The following CTNNA1 variants were observed in gnomAD, a reference collection of about 807,000 sequenced individuals.
CTNNA1 encodes catenin alpha-1.
A neutral mutation model predicts 98.4 loss-of-function variants in CTNNA1; 37 were observed. That is an observed-to-expected ratio of 0.38 (90% CI 0.29 to 0.49). CTNNA1 has a LOEUF of 0.49. CTNNA1 is among the 20% of genes least tolerant of loss of function. The pLI is 0.95. For synonymous variants in CTNNA1, 404 were observed against 413.2 expected (o/e 0.98, Z 0.27); for missense variants, 761 against 1,147.2 (o/e 0.66, Z 4.86).
At chr5:138,866,972 TA>T (rs1245781208) in intron 7 of CTNNA1, among the ~76,000 whole-genome samples, 27 of 152,340 alleles carry the variant, frequency 1.8e-4, no homozygotes, top group African/African-American at 5.8e-4. Flanking sequence ...ATCTATTGTA[TA>T]TTTGAGTGGG....
chr5:138,833,472 A>C (rs1183973890), intron 7 of CTNNA1, among the ~76,000 whole-genome samples: 1 of 152,228 alleles, frequency 6.6e-6, no homozygotes, highest in Non-Finnish European at 1.5e-5. Context: ...TATTTTAGAT[A>C]TATTGGGTTA....
chr5:138,806,921 T>C (rs1315306357), intron 3 of CTNNA1, among the ~76,000 whole-genome samples: 1 of 152,072 alleles, frequency 6.6e-6, no homozygotes, highest in Non-Finnish European at 1.5e-5. Context: ...AGTTGCATTA[T>C]TTGTAAGCAA....
intron 1 of CTNNA1, 79 bp from the exon 2 acceptor site, chr5:138,781,844 C>T: frequency 7.3e-7 from 1 of 1,360,826 alleles, no homozygotes; most frequent in African/African-American, 1.5e-5. Flanking sequence ...TGCAAAAGTC[C>T]CAAAGTAGGA....
chr5:138,877,824 AC>A (rs1751995739), intron 7 of CTNNA1, among the ~76,000 whole-genome samples: 1 of 152,106 alleles, frequency 6.6e-6, no homozygotes, highest in South Asian at 2.1e-4. Flanking sequence ...GATGAAAAAA[AC>A]CCTTTGCCAC....
At chr5:138,909,712 C>T (rs1760119714) in intron 10 of CTNNA1, among the ~76,000 whole-genome samples, 2 of 152,180 alleles carry the variant, frequency 1.3e-5, no homozygotes, top group African/African-American at 4.8e-5. Context: ...CTTCCTTCTG[C>T]CTCCCTAGAT....
chr5:138,828,059 G>T, intron 7 of CTNNA1: 1 of 222,350 alleles, frequency 4.5e-6, no homozygotes, highest in Non-Finnish European at 9.1e-6. Flanking sequence ...TTCCCCCGAA[G>T]CCTTTGGAAG....
intron 7 of CTNNA1, chr5:138,872,869 TCAA>T (rs1561619435): frequency 3.6e-6 from 2 of 549,050 alleles, no homozygotes; most frequent in South Asian, 3.6e-5. Flanking sequence ...TAAAAATACT[TCAA>T]CACTTCAAAA....
Position 138,917,615 on chromosome 5 carries a change from C to T in CTNNA1, c.1390-127C>T, listed in dbSNP as rs931683181. 6.5e-6 allele frequency: 6 copies of T among 917,844 alleles called. No homozygotes were observed. The African/African-American group carries it at 1.0e-4, about 15-fold the overall frequency. The allele number at this position is 917,844 out of a possible 1,614,324, so 56.9% of individuals were successfully genotyped here. ...ACCATATAAAACTTACTGTTTTACA[C>T]TCTTCCCCTTCATCTTTGTGATAGT... On this transcript the variant is annotated intron_variant, in intron 10 of 17. Coordinates refer to ENST00000302763, the MANE Select transcript of CTNNA1 (RefSeq NM_001903.5).
chr5:138,834,856 G>A (rs1260158875), intron 7 of CTNNA1, among the ~76,000 whole-genome samples: 5 of 152,236 alleles, frequency 3.3e-5, no homozygotes, highest in Admixed American at 2.0e-4. Context: ...ACCTGGGTGC[G>A]GGCGGGCTGA....
At chr5:138,800,935 G>A (rs1035084386) in intron 3 of CTNNA1, among the ~76,000 whole-genome samples, 1 of 152,094 alleles carries the variant, frequency 6.6e-6, no homozygotes, top group African/African-American at 2.4e-5. Context: ...TTTACCTCTT[G>A]GTAGTACTTC....
At chr5:138,804,162 C>T (rs1032358609) in intron 3 of CTNNA1, among the ~76,000 whole-genome samples, 2 of 152,220 alleles carry the variant, frequency 1.3e-5, no homozygotes, top group Non-Finnish European at 2.9e-5. Context: ...TTCTACACAT[C>T]GTGCAGAGGA....
At chr5:138,758,944 C>G (rs1752021385) in intron 1 of CTNNA1, among the ~76,000 whole-genome samples, 1 of 152,094 alleles carries the variant, frequency 6.6e-6, no homozygotes. Context: ...GCTGGGATTA[C>G]AGGCATGCGC....
At chr5:138,808,310 G>A in intron 3 of CTNNA1, among the ~76,000 whole-genome samples, 1 of 152,208 alleles carries the variant, frequency 6.6e-6, no homozygotes, top group South Asian at 2.1e-4. Flanking sequence ...CTTGATGTGC[G>A]ATGGGTGCTC....
intron 3 of CTNNA1, among the ~76,000 whole-genome samples, chr5:138,800,685 C>T (rs1372401577): frequency 3.9e-5 from 6 of 152,056 alleles, no homozygotes; most frequent in Admixed American, 3.9e-4. Flanking sequence ...TGCCTGTAAT[C>T]CGAGCTATTC....
rs912202766 is a variant in CTNNA1, at chr5:138,810,640, G to A, written c.468+436G>A. On this transcript the variant is annotated intron_variant, in intron 4 of 17. Coordinates refer to ENST00000302763, the MANE Select transcript of CTNNA1 (RefSeq NM_001903.5). Reference sequence around the variant, plus strand: ...CACAGATCAACAGGATCCCAAGGCCGAAGAATTTTTCTTAGTACAGAACAA... The same window carrying A: ...CACAGATCAACAGGATCCCAAGGCCAAAGAATTTTTCTTAGTACAGAACAA... Among the ~76,000 whole-genome samples the A allele has an allele frequency of 8.7e-4, 133 of 152,278 alleles. 1 individual carries two copies. Among genetic ancestry groups the A allele is most frequent in the East Asian group, 3.9e-4 (2 of 5,176 alleles).
chr5:138,829,444 T>C (rs1407264700), intron 7 of CTNNA1, among the ~76,000 whole-genome samples: 1 of 152,180 alleles, frequency 6.6e-6, no homozygotes, highest in Admixed American at 6.5e-5. Flanking sequence ...AAACAGACTT[T>C]GGTGGGAAGG....
At chr5:138,785,210 CG>C (rs1755544506) in intron 3 of CTNNA1, among the ~76,000 whole-genome samples, 1 of 150,810 alleles carries the variant, frequency 6.6e-6, no homozygotes, top group South Asian at 2.1e-4. Flanking sequence ...TACAGGCGCC[CG>C]CCACTACGCC....
intron 9 of CTNNA1, among the ~76,000 whole-genome samples, chr5:138,890,321 A>C (rs897334285): frequency 1.4e-5 from 2 of 147,360 alleles, no homozygotes; most frequent in African/African-American, 5.1e-5. Flanking sequence ...TGCAGACCCC[A>C]CAGGTTTAGG....
chr5:138,783,436 A>AT (rs1230649305), intron 3 of CTNNA1, 64 bp downstream of exon 3: 119 of 1,437,196 alleles, frequency 8.3e-5, no homozygotes, highest in African/African-American at 4.3e-4. Flanking sequence ...GTGTTTGAAG[A>AT]TTTTTTTTGT....
Sources: gnomAD v4.1 joint callset for allele counts (sites outside exome capture counted in the v4.1 genomes callset) on GRCh38, gnomAD v4.1.1 for gene constraint, MANE v1.5 for transcripts, NCBI Gene and HGNC (gene_info 2026-07-23, HGNC 2026-07-21) for gene names.